Variants in CTNND2 observed in about 807,000 individuals in gnomAD.
CTNND2 encodes catenin delta 2.
Under a neutral mutation model 144.4 loss-of-function variants are expected in CTNND2, and 22 were observed. The observed-to-expected ratio is 0.15, with a 90% CI of 0.11 to 0.22. The LOEUF is 0.22. Ranked by LOEUF, CTNND2 falls within the 10% of genes least tolerant of loss-of-function variation. The pLI is 1.00. For synonymous variants in CTNND2, 751 were observed against 695.6 expected (o/e 1.08, Z -1.25); for missense variants, 1,353 against 1,618.8 (o/e 0.84, Z 2.82).
chr5:11,737,809 C>G (rs1787775685), intron 1 of CTNND2, among the ~76,000 whole-genome samples: 1 of 152,148 alleles, frequency 6.6e-6, no homozygotes, highest in African/African-American at 2.4e-5. Flanking sequence ...AGAGGTCTCT[C>G]TTCCCCTTTG....
At chr5:11,680,373 T>G (rs1023196317) in intron 2 of CTNND2, among the ~76,000 whole-genome samples, 4 of 152,120 alleles carry the variant, frequency 2.6e-5, no homozygotes, top group Non-Finnish European at 5.9e-5. Flanking sequence ...ATTTTGGTTG[T>G]CATATTGCCA....
chr5:11,154,379 G>A (rs1452389574), intron 12 of CTNND2, among the ~76,000 whole-genome samples: 1 of 152,226 alleles, frequency 6.6e-6, no homozygotes, highest in Non-Finnish European at 1.5e-5. Flanking sequence ...GGCCGAGACA[G>A]CCACATCTTG....
At chr5:11,551,977 C>T (rs1775804232) in intron 3 of CTNND2, among the ~76,000 whole-genome samples, 2 of 151,926 alleles carry the variant, frequency 1.3e-5, no homozygotes, top group South Asian at 2.1e-4. Context: ...TCAAGTGATC[C>T]CCCTGGCCTC....
chr5:11,260,418 C>T (rs1195568483), intron 9 of CTNND2, among the ~76,000 whole-genome samples: 1 of 152,062 alleles, frequency 6.6e-6, no homozygotes, highest in African/African-American at 2.4e-5. Flanking sequence ...CAAGGTCTCA[C>T]ACGAAAACCC....
chr5:11,686,532 C>T (rs1784651733), intron 2 of CTNND2, among the ~76,000 whole-genome samples: 1 of 151,902 alleles, frequency 6.6e-6, no homozygotes, highest in African/African-American at 2.4e-5. Context: ...TTGCCACATT[C>T]AAAGACCTCT....
At chr5:11,132,096 TG>T (rs1191206081) in intron 12 of CTNND2, among the ~76,000 whole-genome samples, 1 of 152,238 alleles carries the variant, frequency 6.6e-6, no homozygotes, top group Non-Finnish European at 1.5e-5. Context: ...CACATACTCT[TG>T]GGTCTTAACC....
At chr5:11,432,439 A>C (rs1176439681) in intron 3 of CTNND2, among the ~76,000 whole-genome samples, 3 of 152,182 alleles carry the variant, frequency 2.0e-5, no homozygotes, top group African/African-American at 7.2e-5. Context: ...GATTTCTAAC[A>C]TGAGATAAAG....
chr5:11,323,948 G>A (rs1178551184), intron 9 of CTNND2, among the ~76,000 whole-genome samples: 1 of 152,078 alleles, frequency 6.6e-6, no homozygotes, highest in Non-Finnish European at 1.5e-5. Flanking sequence ...GGAAGCTGAG[G>A]TGCTTGGTGT....
At chr5:11,418,818 T>C (rs1762109339) in intron 3 of CTNND2, among the ~76,000 whole-genome samples, 1 of 152,130 alleles carries the variant, frequency 6.6e-6, no homozygotes, top group South Asian at 2.1e-4. Context: ...AAATACTATT[T>C]GGCAGGTAAA....
chr5:10,975,554 A>G (rs1736362203), intron 21 of CTNND2, among the ~76,000 whole-genome samples: 1 of 152,186 alleles, frequency 6.6e-6, no homozygotes, highest in Non-Finnish European at 1.5e-5. Context: ...AAAACGTCAT[A>G]GCTAGTGGTG....
intron 10 of CTNND2, among the ~76,000 whole-genome samples, chr5:11,229,378 T>G (rs1172667057): frequency 1.3e-5 from 2 of 152,160 alleles, no homozygotes; most frequent in African/African-American, 4.8e-5. Context: ...AATATTTAGC[T>G]GGGCATGGTG....
At chr5:11,153,089 C>T (rs1047828029) in intron 12 of CTNND2, among the ~76,000 whole-genome samples, 2 of 152,052 alleles carry the variant, frequency 1.3e-5, no homozygotes, top group Non-Finnish European at 2.9e-5. Context: ...CACGGTGAAA[C>T]CCCATCTCTA....
intron 17 of CTNND2, among the ~76,000 whole-genome samples, chr5:11,018,953 C>T (rs1347653607): frequency 2.0e-5 from 3 of 152,028 alleles, no homozygotes; most frequent in Admixed American, 6.6e-5. Context: ...GTGATCCACC[C>T]GCCTCAGCCT....
chr5:11,330,476 T>C (rs1304134003), intron 9 of CTNND2, among the ~76,000 whole-genome samples: 2 of 81,358 alleles, frequency 2.5e-5, no homozygotes, highest in Non-Finnish European at 4.2e-5. Flanking sequence ...AGAGAGAGAC[T>C]CCGTCTCAAA....
At chr5:11,713,612 T>C (rs535636870) in intron 2 of CTNND2, among the ~76,000 whole-genome samples, 282 of 145,020 alleles carry the variant, frequency 1.9e-3, no homozygotes, top group African/African-American at 6.8e-3. Context: ...AAAAATACCA[T>C]ATATATACAT....
At chr5:11,542,451 G>C (rs1211588237) in intron 3 of CTNND2, among the ~76,000 whole-genome samples, 1 of 152,012 alleles carries the variant, frequency 6.6e-6, no homozygotes, top group African/African-American at 2.4e-5. Flanking sequence ...AACATAAGTT[G>C]GTGATATATA....
At chr5:11,307,009 C>A (rs566025331) in intron 9 of CTNND2, among the ~76,000 whole-genome samples, 4 of 152,138 alleles carry the variant, frequency 2.6e-5, no homozygotes, top group Admixed American at 2.6e-4. Context: ...CCTAGGGGTG[C>A]AGGTTGAAGG....
Position 11,083,830 on chromosome 5 carries a change from C to T in CTNND2, c.2638-984G>A, listed in dbSNP as rs920030554. 1.2e-5 allele frequency: 12 copies of T among 1,042,314 alleles called. No individual in the cohort carries two copies. The Admixed American group carries it at 2.1e-4, about 19-fold the overall frequency. 64.6% of individuals were successfully genotyped at this position (1,042,314 alleles called of 1,614,324 possible). ...CCCACCCAGTCCCCCCACCAGGCCA[C>T]CTCCACCCCCCTTCCCCCATGGGGG... On this transcript the variant is annotated intron_variant, in intron 15 of 21. Transcript: ENST00000304623.
At chr5:11,250,521 T>TATATATATA (rs1561094429) in intron 9 of CTNND2, among the ~76,000 whole-genome samples, 1 of 4,336 alleles carries the variant, frequency 2.3e-4, no homozygotes, top group African/African-American at 7.3e-4. Context: ...ATACATATAT[T>TATATATATA]TTTTTTTTTT....
Sources: allele counts gnomAD v4.1 joint callset (sites outside exome capture counted in the v4.1 genomes callset), GRCh38; gene constraint gnomAD v4.1.1; transcripts MANE v1.5; gene names NCBI Gene and HGNC (gene_info 2026-07-23, HGNC 2026-07-21).